GPC5: variants seen among roughly 807,000 people sequenced by gnomAD.
GPC5 encodes the protein glypican-5.
In GPC5, 47 loss-of-function variants were observed where a neutral mutation model predicts 53.9. The observed-to-expected ratio is 0.87, with a 90% CI of 0.69 to 1.11. The LOEUF is 1.11. GPC5 is among the 50% of genes most tolerant of loss of function. The pLI is 0.00. For missense variants in GPC5, 748 were observed against 713.1 expected, an observed-to-expected ratio of 1.05 and a Z score of -0.56; for synonymous variants, 286 against 263.3, an observed-to-expected ratio of 1.09 and a Z score of -0.84.
chr13:92,741,832 C>T (rs796451030), intron 7 of GPC5, among the ~76,000 whole-genome samples: 33 of 152,126 alleles, frequency 2.2e-4, no homozygotes, highest in African/African-American at 6.3e-4. Flanking sequence ...TAAGAACACG[C>T]GGTGTTTGGT....
At chr13:91,602,111 C>A (rs917738600) in intron 2 of GPC5, among the ~76,000 whole-genome samples, 7 of 152,224 alleles carry the variant, frequency 4.6e-5, no homozygotes, top group African/African-American at 1.7e-4. Flanking sequence ...GTGATATATG[C>A]ATTTACAGTA....
chr13:91,435,684 G>T (rs879622756), intron 1 of GPC5, among the ~76,000 whole-genome samples: 39 of 152,180 alleles, frequency 2.6e-4, no homozygotes, highest in Admixed American at 5.9e-4. Context: ...TTTGGTATCA[G>T]GATGATGCTG....
chr13:92,793,253 A>G (rs1317775093), intron 7 of GPC5, among the ~76,000 whole-genome samples: 1 of 152,194 alleles, frequency 6.6e-6, no homozygotes, highest in Non-Finnish European at 1.5e-5. Context: ...ACACAACTGC[A>G]TGGAAACTGA....
intron 7 of GPC5, among the ~76,000 whole-genome samples, chr13:92,355,393 A>G (rs566260587): frequency 3.7e-4 from 56 of 152,118 alleles, no homozygotes; most frequent in African/African-American, 1.3e-3. Context: ...CCCCCTGCAG[A>G]CTCTGGCTTT....
intron 7 of GPC5, among the ~76,000 whole-genome samples, chr13:92,839,853 T>C (rs114913765): frequency 0.013 from 1,951 of 151,978 alleles, 51 homozygotes; most frequent in African/African-American, 0.045. Flanking sequence ...TCCACGTATC[T>C]TATCAGTAAT....
rs1347834796 is a variant in GPC5, at chr13:92,300,652, T to C, written c.1561+155663T>C. Among the ~76,000 whole-genome samples the C allele has an allele frequency of 2.0e-5, 3 of 152,222 alleles. No individual in the cohort carries two copies. The East Asian group carries it at 5.8e-4, about 29-fold the overall frequency. ...TGGACTAATTTAAAGGCTTTCTGTCTCACATCTTTTAAGACAGTGTAATGA... is the reference window on the plus strand; with the variant it reads ...TGGACTAATTTAAAGGCTTTCTGTCCCACATCTTTTAAGACAGTGTAATGA... On this transcript the variant is annotated intron_variant, in intron 7 of 7. Coordinates refer to ENST00000377067, the MANE Select transcript of GPC5 (RefSeq NM_004466.6).
chr13:91,940,175 C>G (rs751166220), intron 6 of GPC5, among the ~76,000 whole-genome samples: 1 of 152,190 alleles, frequency 6.6e-6, no homozygotes, highest in Non-Finnish European at 1.5e-5. Flanking sequence ...TCCATAGTGT[C>G]TATTGTTTCC....
At chr13:91,480,887 A>G (rs958111347) in intron 2 of GPC5, among the ~76,000 whole-genome samples, 1 of 151,906 alleles carries the variant, frequency 6.6e-6, no homozygotes, top group African/African-American at 2.4e-5. Context: ...TCTTTAGTAG[A>G]TGAGAATCCC....
chr13:92,314,403 T>C (rs2043165073), intron 7 of GPC5, among the ~76,000 whole-genome samples: 1 of 152,208 alleles, frequency 6.6e-6, no homozygotes, highest in Non-Finnish European at 1.5e-5. Flanking sequence ...TTGATAATAC[T>C]TGGCTAGATG....
chr13:92,139,433 C>T (rs992634926), intron 6 of GPC5, among the ~76,000 whole-genome samples: 11 of 151,906 alleles, frequency 7.2e-5, no homozygotes, highest in African/African-American at 2.4e-4. Context: ...TTTGGGAGGC[C>T]GAGGCGGGTG....
intron 7 of GPC5, among the ~76,000 whole-genome samples, chr13:92,845,832 T>A (rs1878594781): frequency 6.6e-6 from 1 of 152,092 alleles, no homozygotes; most frequent in Admixed American, 6.6e-5. Flanking sequence ...TTTTAATTTA[T>A]AAGTTTATTG....
At chr13:92,745,053 GATA>G (rs1182967372) in intron 7 of GPC5, among the ~76,000 whole-genome samples, 3 of 151,992 alleles carry the variant, frequency 2.0e-5, no homozygotes, top group Non-Finnish European at 4.4e-5. Flanking sequence ...AATTTTGAGT[GATA>G]ATATATTGAA....
At chr13:92,562,003 A>G (rs1594306289) in intron 7 of GPC5, among the ~76,000 whole-genome samples, 1 of 152,046 alleles carries the variant, frequency 6.6e-6, no homozygotes, top group East Asian at 1.9e-4. Context: ...TAAACTATCA[A>G]TTTTAGAGAT....
intron 7 of GPC5, among the ~76,000 whole-genome samples, chr13:92,461,297 T>C (rs1400932829): frequency 6.6e-6 from 1 of 152,164 alleles, no homozygotes; most frequent in Non-Finnish European, 1.5e-5. Context: ...CAGGTCCTGC[T>C]TTAGGCATGA....
chr13:92,736,375 C>T (rs1380983558), intron 7 of GPC5, among the ~76,000 whole-genome samples: 1 of 152,008 alleles, frequency 6.6e-6, no homozygotes, highest in African/African-American at 2.4e-5. Flanking sequence ...TTTATTGTAG[C>T]TCCTGTCTAT....
At chr13:92,562,601 A>G (rs1882734420) in intron 7 of GPC5, among the ~76,000 whole-genome samples, 1 of 152,078 alleles carries the variant, frequency 6.6e-6, no homozygotes, top group Non-Finnish European at 1.5e-5. Context: ...AGATGACCCT[A>G]TGTGGGCTTC....
intron 2 of GPC5, among the ~76,000 whole-genome samples, chr13:91,567,690 C>G (rs1435188868): frequency 1.3e-5 from 2 of 152,158 alleles, no homozygotes; most frequent in Non-Finnish European, 2.9e-5. Flanking sequence ...AGTTGTTTGT[C>G]GAAGTCTGTT....
chr13:91,713,101 G>A (rs2036262914), intron 3 of GPC5, among the ~76,000 whole-genome samples: 1 of 152,136 alleles, frequency 6.6e-6, no homozygotes, highest in South Asian at 2.1e-4. Context: ...TGAAGCACGA[G>A]GATTGCTTGA....
intron 6 of GPC5, among the ~76,000 whole-genome samples, chr13:92,110,626 G>A (rs1188593996): frequency 2.0e-5 from 3 of 152,114 alleles, no homozygotes; most frequent in Admixed American, 2.0e-4. Flanking sequence ...AATGACAAGG[G>A]TCAATAATTT....
Sources: allele counts gnomAD v4.1 joint callset (sites outside exome capture counted in the v4.1 genomes callset), GRCh38; gene constraint gnomAD v4.1.1; transcripts MANE v1.5; gene names NCBI Gene and HGNC (gene_info 2026-07-23, HGNC 2026-07-21).